The following AFF3 variants were observed in gnomAD, a reference collection of about 807,000 sequenced individuals.
AFF3 encodes the protein AF4/FMR2 family member 3.
In AFF3, 32 loss-of-function variants were observed where a neutral mutation model predicts 129.7. That is an observed-to-expected ratio of 0.25 (90% confidence interval 0.19 to 0.33). AFF3 has a LOEUF of 0.33. Ranked by LOEUF, AFF3 falls within the 10% of genes least tolerant of loss-of-function variation. AFF3 has a pLI of 1.00. For synonymous variants in AFF3, 644 were observed against 635.4 expected (o/e 1.01, Z -0.20); for missense variants, 1,373 against 1,592.0 (o/e 0.86, Z 2.34).
At chr2:99,593,171 C>T (rs373091042) in intron 15 of AFF3, 24 bp downstream of exon 15, 1 of 1,544,148 alleles carries the variant, frequency 6.5e-7, no homozygotes, top group African/African-American at 1.4e-5. Flanking sequence ...CACGCCCCCG[C>T]ACCCCAGTCA....
At chr2:100,058,575 T>G (rs1294881851) in intron 4 of AFF3, among the ~76,000 whole-genome samples, 1 of 152,222 alleles carries the variant, frequency 6.6e-6, no homozygotes, top group Non-Finnish European at 1.5e-5. Context: ...TCTTTCTTTT[T>G]TTTTGGATGG....
rs536024864 is a variant in AFF3, at chr2:99,742,010, G to C, written c.1039+2094C>G. On this transcript the variant is annotated intron_variant, in intron 10 of 24. Coordinates refer to ENST00000672756, the MANE Select transcript of AFF3 (RefSeq NM_001386135.1). ...TTGCAGAGAATTCTCAGACTTAATAGGAATATTATTTTTGTATACATGTGC... is the reference window on the plus strand; with the variant it reads ...TTGCAGAGAATTCTCAGACTTAATACGAATATTATTTTTGTATACATGTGC... 3.9e-5 allele frequency among the ~76,000 whole-genome samples: 6 copies of C among 152,166 alleles called. No individual in the cohort carries two copies. In the East Asian group the frequency reaches 9.6e-4, roughly 24 times the overall value.
chr2:99,989,570 A>G (rs187667937), intron 7 of AFF3, among the ~76,000 whole-genome samples: 1 of 152,342 alleles, frequency 6.6e-6, no homozygotes, highest in East Asian at 1.9e-4. Flanking sequence ...ATCTAATTAA[A>G]TACACCTGAA....
At chr2:99,840,962 T>A (rs1004366492) in intron 7 of AFF3, among the ~76,000 whole-genome samples, 4 of 152,236 alleles carry the variant, frequency 2.6e-5, no homozygotes, top group Non-Finnish European at 5.9e-5. Context: ...CATTTCCTAC[T>A]GCATAATATG....
intron 7 of AFF3, among the ~76,000 whole-genome samples, chr2:99,996,656 G>A (rs1005648167): frequency 7.3e-5 from 11 of 151,330 alleles, no homozygotes; most frequent in African/African-American, 2.4e-4. Context: ...CTGGGATTAC[G>A]GGCGTGAGCC....
At chr2:99,985,964 G>A (rs1351008062) in intron 7 of AFF3, among the ~76,000 whole-genome samples, 1 of 152,070 alleles carries the variant, frequency 6.6e-6, no homozygotes, top group Non-Finnish European at 1.5e-5. Flanking sequence ...ACTTTGGGAG[G>A]CCGAGGTGGG....
intron 13 of AFF3, among the ~76,000 whole-genome samples, chr2:99,620,218 T>C (rs1265388417): frequency 6.6e-6 from 1 of 152,196 alleles, no homozygotes; most frequent in African/African-American, 2.4e-5. Flanking sequence ...TAGTCACAGC[T>C]GTGCTGATAA....
chr2:99,867,391 T>C (rs751273339), intron 7 of AFF3, among the ~76,000 whole-genome samples: 9 of 152,026 alleles, frequency 5.9e-5, no homozygotes, highest in Non-Finnish European at 1.2e-4. Flanking sequence ...TGAATGGAAC[T>C]GACAGGAGGA....
chr2:99,778,722 T>G (rs1208092030), intron 8 of AFF3, among the ~76,000 whole-genome samples: 2 of 152,256 alleles, frequency 1.3e-5, no homozygotes, highest in African/African-American at 4.8e-5. Context: ...TATTGCTAAG[T>G]GTTTTATTCT....
chr2:100,031,214 C>T (rs1343458829), intron 4 of AFF3, among the ~76,000 whole-genome samples: 1 of 152,106 alleles, frequency 6.6e-6, no homozygotes, highest in Non-Finnish European at 1.5e-5. Flanking sequence ...GATGATAATG[C>T]TGAAACTGCT....
At chr2:99,805,397 C>T (rs2105536622) in intron 8 of AFF3, among the ~76,000 whole-genome samples, 1 of 152,060 alleles carries the variant, frequency 6.6e-6, no homozygotes, top group East Asian at 1.9e-4. Flanking sequence ...GTGCTTGATG[C>T]TGGGGATAAA....
At chr2:99,829,689 A>T (rs1688370791) in intron 8 of AFF3, among the ~76,000 whole-genome samples, 1 of 152,206 alleles carries the variant, frequency 6.6e-6, no homozygotes, top group Non-Finnish European at 1.5e-5. Context: ...CTGGGAGTAT[A>T]AATTATTTCA....
chr2:99,820,244 G>C (rs1687552862), intron 8 of AFF3, among the ~76,000 whole-genome samples: 1 of 152,126 alleles, frequency 6.6e-6, no homozygotes, highest in Non-Finnish European at 1.5e-5. Context: ...ATGGCCTATT[G>C]CTCATAGCCT....
At chr2:99,646,203 T>G (rs1425024229) in intron 13 of AFF3, among the ~76,000 whole-genome samples, 1 of 152,178 alleles carries the variant, frequency 6.6e-6, no homozygotes, top group Non-Finnish European at 1.5e-5. Flanking sequence ...AATGTCCTTG[T>G]GTTCACTGGA....
chr2:99,860,380 C>T (rs556922683), intron 7 of AFF3, among the ~76,000 whole-genome samples: 16 of 151,910 alleles, frequency 1.1e-4, no homozygotes, highest in Non-Finnish European at 1.6e-4. Context: ...GGTGAAACCC[C>T]GTCTCTACTA....
At chr2:100,069,783 T>C (rs1241309554) in intron 4 of AFF3, among the ~76,000 whole-genome samples, 4 of 152,204 alleles carry the variant, frequency 2.6e-5, no homozygotes, top group African/African-American at 9.6e-5. Flanking sequence ...CAACACGCAT[T>C]TAAAAGTTGA....
chr2:99,551,348 C>A lies in AFF3; in HGVS notation c.*126G>T. On this transcript the variant is annotated 3_prime_UTR_variant, in exon 25 of 25. Transcript: ENST00000672756. The stretch of plus-strand genomic sequence containing the variant: ...ACATGCCCTGCAAAAGATCATTGTT[C>A]AATGCTGAGGAAATGTTCACCGCAG... 1 of 1,326,368 alleles carries A rather than the reference C, an allele frequency of 7.5e-7. No homozygotes were observed. The highest frequency in any genetic ancestry group is 1.4e-5 in the South Asian group (1 of 72,302). The allele number at this position is 1,326,368 out of a possible 1,614,324, so 82.2% of individuals were successfully genotyped here. A position where few individuals can be genotyped will look rare whatever the true frequency, so the allele number is the denominator to read the frequency against.
At chr2:99,952,981 T>G (rs954898531) in intron 7 of AFF3, among the ~76,000 whole-genome samples, 2 of 152,180 alleles carry the variant, frequency 1.3e-5, no homozygotes, top group Admixed American at 6.5e-5. Context: ...ATTTAAGTGA[T>G]AAGATAATAC....
At chr2:99,624,120 AG>A (rs1255479412) in intron 13 of AFF3, among the ~76,000 whole-genome samples, 1 of 152,170 alleles carries the variant, frequency 6.6e-6, no homozygotes, top group Non-Finnish European at 1.5e-5. Flanking sequence ...AAAATGCCCA[AG>A]CCACAGCTAC....
Sources: gnomAD v4.1 joint callset for allele counts (sites outside exome capture counted in the v4.1 genomes callset) on GRCh38, gnomAD v4.1.1 for gene constraint, MANE v1.5 for transcripts, NCBI Gene and HGNC (gene_info 2026-07-23, HGNC 2026-07-21) for gene names.